The following SIPA1L2 variants were observed in gnomAD, a reference collection of about 807,000 sequenced individuals.
The protein encoded by SIPA1L2 is signal induced proliferation associated 1 like 2.
SIPA1L2 carries 56 observed loss-of-function variants against 163.9 expected under a neutral mutation model. That is an observed-to-expected ratio of 0.34 (90% confidence interval 0.28 to 0.43). SIPA1L2 has a LOEUF of 0.43. SIPA1L2 is among the 20% of genes least tolerant of loss of function. The pLI is 1.00. For missense variants in SIPA1L2, 1,974 were observed against 2,193.5 expected (o/e 0.90, Z 2.00); for synonymous variants, 877 against 865.7 (o/e 1.01, Z -0.23).
intron 1 of SIPA1L2, among the ~76,000 whole-genome samples, chr1:232,627,655 G>A (rs1255412844): frequency 1.3e-5 from 2 of 152,132 alleles, no homozygotes; most frequent in Non-Finnish European, 1.5e-5. Flanking sequence ...TACAATTAAA[G>A]CTCTTTGAGA....
intron 19 of SIPA1L2, among the ~76,000 whole-genome samples, chr1:232,406,810 T>C (rs1388956206): frequency 6.6e-6 from 1 of 152,216 alleles, no homozygotes; most frequent in East Asian, 1.9e-4. Flanking sequence ...ACATGCCAGA[T>C]GGAACATCCA....
chr1:232,482,220 T>C (rs1002890403), intron 6 of SIPA1L2, among the ~76,000 whole-genome samples: 6 of 152,228 alleles, frequency 3.9e-5, no homozygotes, highest in African/African-American at 1.4e-4. Flanking sequence ...ATGTGAATTC[T>C]ACATGTAGGA....
chr1:232,601,030 C>T (rs375394584), intron 1 of SIPA1L2, among the ~76,000 whole-genome samples: 6 of 152,310 alleles, frequency 3.9e-5, no homozygotes, highest in African/African-American at 1.4e-4. Flanking sequence ...AACCTATAGG[C>T]AAGAGCAGGC....
chr1:232,420,967 G>A (rs977734239), intron 18 of SIPA1L2, among the ~76,000 whole-genome samples: 10 of 152,330 alleles, frequency 6.6e-5, no homozygotes, highest in African/African-American at 2.2e-4. Flanking sequence ...ATGGAAACCC[G>A]AACCAATTTT....
At chr1:232,441,746 A>G (rs781195876) in intron 13 of SIPA1L2, 22 bp downstream of exon 13, 3 of 1,605,680 alleles carry the variant, frequency 1.9e-6, no homozygotes, top group African/African-American at 2.7e-5. Context: ...AGGGAGGTCA[A>G]TTTCCAGGAG....
intron 3 of SIPA1L2, among the ~76,000 whole-genome samples, chr1:232,508,621 AGC>A (rs1666839843): frequency 1.3e-5 from 2 of 152,248 alleles, no homozygotes; most frequent in Non-Finnish European, 2.9e-5. Flanking sequence ...CCTTTGTCAC[AGC>A]CTGTTTCACA....
intron 2 of SIPA1L2, among the ~76,000 whole-genome samples, chr1:232,525,152 G>A (rs991622995): frequency 2.2e-5 from 3 of 137,412 alleles, no homozygotes; most frequent in Non-Finnish European, 3.2e-5. Context: ...TTAATTTAAC[G>A]TTTTTTTTTT....
Position 232,608,412 on chromosome 1 carries a change from C to A in SIPA1L2, c.-319+21457G>T, listed in dbSNP as rs1023976209. On this transcript the variant is annotated intron_variant, in intron 1 of 22. Transcript: ENST00000674635. ...TTAGGGATAGCTTCTCACAAGGGTT[C>A]AAATATCCAGTGAGGGACTGCTGCA... is the stretch of plus-strand genomic sequence containing the variant. Among the ~76,000 whole-genome samples, 4 of 152,118 alleles carry A rather than the reference C, an allele frequency of 2.6e-5. No individual in the cohort carries two copies. The South Asian group carries it at 8.3e-4, about 32-fold the overall frequency.
chr1:232,399,954 G>A (rs905251999), intron 22 of SIPA1L2, among the ~76,000 whole-genome samples: 3 of 152,098 alleles, frequency 2.0e-5, no homozygotes, highest in African/African-American at 4.8e-5. Flanking sequence ...AACCACTACA[G>A]CCACCACATG....
At chr1:232,571,758 ACCTC>A (rs1659742102) in intron 2 of SIPA1L2, among the ~76,000 whole-genome samples, 1 of 151,584 alleles carries the variant, frequency 6.6e-6, no homozygotes. Context: ...AGAGTCTGGG[ACCTC>A]CCCCTTCTGT....
At chr1:232,433,732 TTATAAA>T (rs150120088) in intron 15 of SIPA1L2, among the ~76,000 whole-genome samples, 1,657 of 152,314 alleles carry the variant, frequency 0.011, 32 homozygotes, top group African/African-American at 0.035. Flanking sequence ...AAAAGTTACT[TTATAAA>T]TATGAAAAAT....
chr1:232,421,449 C>T (rs1218395226), intron 18 of SIPA1L2, among the ~76,000 whole-genome samples: 2 of 152,140 alleles, frequency 1.3e-5, no homozygotes, highest in African/African-American at 4.8e-5. Flanking sequence ...ACAGCATTTC[C>T]TGGTGGTCAG....
intron 5 of SIPA1L2, among the ~76,000 whole-genome samples, chr1:232,490,153 G>C (rs1665852320): frequency 6.6e-6 from 1 of 152,018 alleles, no homozygotes; most frequent in Non-Finnish European, 1.5e-5. Context: ...ATTTGTTCTA[G>C]TCTCGTCTTA....
chr1:232,470,435 T>C (rs1664745215), intron 8 of SIPA1L2, among the ~76,000 whole-genome samples: 1 of 152,156 alleles, frequency 6.6e-6, no homozygotes, highest in Non-Finnish European at 1.5e-5. Flanking sequence ...TGGGCATCTG[T>C]AGGGTGGGAT....
Position 232,514,540 on chromosome 1 carries a change from G to T in SIPA1L2, c.800C>A (p.Ala267Asp). The T allele has an allele frequency of 1.2e-6, 2 of 1,614,128 alleles. No individual in the cohort carries two copies. The highest frequency in any genetic ancestry group is 1.7e-6 in the Non-Finnish European group (2 of 1,180,034). The change falls in exon 3 of 23, where the codon GCC (alanine) becomes GAC (aspartate). Residue 267 changes from alanine (A) to aspartate (D), a missense_variant. Transcript: ENST00000674635. ...GTCCCTGTCTCTCCCCATCAGGAGG[G>T]CACTGTCCACATAATCTAATCCTGA... is the stretch of plus-strand genomic sequence containing the variant. ...RISGLDYVDSALLMGRDRDKP... is the reference protein window; with the variant it reads ...RISGLDYVDSDLLMGRDRDKP...
At chr1:232,628,381 C>T (rs1663192465) in intron 1 of SIPA1L2, among the ~76,000 whole-genome samples, 1 of 152,194 alleles carries the variant, frequency 6.6e-6, no homozygotes, top group African/African-American at 2.4e-5. Context: ...CTGCATTTTT[C>T]TCATGAATAA....
intron 1 of SIPA1L2, among the ~76,000 whole-genome samples, chr1:232,595,186 C>T (rs1423654593): frequency 1.3e-5 from 2 of 152,330 alleles, no homozygotes; most frequent in Non-Finnish European, 2.9e-5. Context: ...GGTCCACTGG[C>T]TAGTGAGGTC....
At chr1:232,492,829 C>T (rs1275546870) in intron 4 of SIPA1L2, among the ~76,000 whole-genome samples, 4 of 152,274 alleles carry the variant, frequency 2.6e-5, no homozygotes, top group South Asian at 4.1e-4. Flanking sequence ...CTTGCTTTGT[C>T]TCAGATGAGA....
chr1:232,404,919 G>T (rs899414332), intron 19 of SIPA1L2, among the ~76,000 whole-genome samples: 1 of 152,156 alleles, frequency 6.6e-6, no homozygotes, highest in African/African-American at 2.4e-5. Flanking sequence ...TACAGCAGGC[G>T]TGTTAGTGCT....
Sources: gnomAD v4.1 joint callset for allele counts (sites outside exome capture counted in the v4.1 genomes callset) on GRCh38, gnomAD v4.1.1 for gene constraint, MANE v1.5 for transcripts, NCBI Gene and HGNC (gene_info 2026-07-23, HGNC 2026-07-21) for gene names.